SCHIP1: variants seen among roughly 807,000 people sequenced by gnomAD.
SCHIP1 encodes the protein schwannomin-interacting protein 1.
A neutral mutation model predicts 29.7 loss-of-function variants in SCHIP1; 8 were observed. The observed-to-expected ratio is 0.27, with a 90% confidence interval of 0.16 to 0.49. The LOEUF (loss-of-function observed/expected upper bound fraction) is 0.49. SCHIP1 is among the 20% of genes least tolerant of loss of function. The pLI is 0.99. For missense variants in SCHIP1, 193 were observed against 294.6 expected, an observed-to-expected ratio of 0.66 and a Z score of 2.52; for synonymous variants, 76 against 94.9, an observed-to-expected ratio of 0.80 and a Z score of 1.16.
the SCHIP1 span, among the ~76,000 whole-genome samples, chr3:159,574,093 CT>C: frequency 2.0e-5 from 3 of 152,198 alleles, no homozygotes; most frequent in African/African-American, 2.4e-5. Context: ...TACTAACAAC[CT>C]TCTGAAGCCT....
chr3:159,824,562 C>T, the SCHIP1 span, among the ~76,000 whole-genome samples: 1 of 152,192 alleles, frequency 6.6e-6, no homozygotes, highest in East Asian at 1.9e-4. Context: ...CTAGGTTCAG[C>T]AGGGCCAGAC....
chr3:159,301,602 G>T, the SCHIP1 span, among the ~76,000 whole-genome samples: 1 of 152,074 alleles, frequency 6.6e-6, no homozygotes, highest in Non-Finnish European at 1.5e-5. Flanking sequence ...TAGATTATGG[G>T]GATGGATTTC....
chr3:159,590,774 A>G, the SCHIP1 span, among the ~76,000 whole-genome samples: 1 of 152,160 alleles, frequency 6.6e-6, no homozygotes, highest in Non-Finnish European at 1.5e-5. Context: ...CTTCCAGTTT[A>G]CTTGTAAACA....
chr3:159,811,130 C>T, the SCHIP1 span, among the ~76,000 whole-genome samples: 4 of 152,106 alleles, frequency 2.6e-5, no homozygotes, highest in Admixed American at 6.5e-5. Flanking sequence ...TCAACTGTTG[C>T]CCATTTTTAA....
At chr3:159,474,305 T>C in the SCHIP1 span, among the ~76,000 whole-genome samples, 2 of 152,160 alleles carry the variant, frequency 1.3e-5, no homozygotes, top group Non-Finnish European at 2.9e-5. Context: ...TTAAGCAAAC[T>C]TCAAGATTTC....
chr3:159,526,328 C>G, the SCHIP1 span, among the ~76,000 whole-genome samples: 1 of 151,956 alleles, frequency 6.6e-6, no homozygotes, highest in African/African-American at 2.4e-5. Flanking sequence ...ACCACTGTGC[C>G]CGGCTAATTT....
chr3:159,879,078 C>T (rs1047365342), intron 2 of SCHIP1, among the ~76,000 whole-genome samples: 19 of 151,674 alleles, frequency 1.3e-4, no homozygotes, highest in Non-Finnish European at 2.5e-4. Flanking sequence ...TAATATTGGA[C>T]TAAGCTTACT....
the SCHIP1 span, among the ~76,000 whole-genome samples, chr3:159,550,058 C>CTTAATTATCTTAAGATATCTTAAGAAAA: frequency 3.4e-5 from 5 of 147,800 alleles, no homozygotes; most frequent in South Asian, 2.2e-4. Context: ...CTGTTTTTCT[C>CTTAATTATCTTAAGATATCTTAAGAAAA]TTATCTTAAG....
intron 2 of SCHIP1, among the ~76,000 whole-genome samples, chr3:159,877,068 G>T (rs62270405): frequency 0.26 from 39,708 of 152,154 alleles, 5,401 homozygotes; most frequent in Non-Finnish European, 0.3. Context: ...CCTATTTTAG[G>T]CTGGGAGCAG....
chr3:159,606,852 G>A, the SCHIP1 span, among the ~76,000 whole-genome samples: 5 of 152,210 alleles, frequency 3.3e-5, no homozygotes, highest in African/African-American at 1.2e-4. Flanking sequence ...AATCCAACTG[G>A]AAGCCAGGGG....
the SCHIP1 span, among the ~76,000 whole-genome samples, chr3:159,367,398 C>CAAAA: frequency 7.8e-6 from 1 of 128,110 alleles, no homozygotes; most frequent in South Asian, 2.6e-4. Context: ...AACTCCATCT[C>CAAAA]AAAAAAAAAA....
At chr3:159,644,555 G>A in the SCHIP1 span, among the ~76,000 whole-genome samples, 1 of 151,772 alleles carries the variant, frequency 6.6e-6, no homozygotes, top group Non-Finnish European at 1.5e-5. Flanking sequence ...TTTTACATTG[G>A]TGACCACAGA....
At chr3:159,313,721 AT>A in the SCHIP1 span, among the ~76,000 whole-genome samples, 53 of 149,758 alleles carry the variant, frequency 3.5e-4, no homozygotes, top group African/African-American at 1.2e-3. Flanking sequence ...TTTCCCACTA[AT>A]TTTTTTTTTC....
the SCHIP1 span, among the ~76,000 whole-genome samples, chr3:159,487,156 T>C: frequency 2.0e-5 from 3 of 152,270 alleles, no homozygotes; most frequent in African/African-American, 7.2e-5. Context: ...TGGAGCAATG[T>C]GGCTTTTCCT....
chr3:159,441,705 T>A, the SCHIP1 span, among the ~76,000 whole-genome samples: 1 of 152,076 alleles, frequency 6.6e-6, no homozygotes, highest in Non-Finnish European at 1.5e-5. Context: ...TGATAGGTGC[T>A]ACGTAGAACA....
chr3:159,533,570 A>T, the SCHIP1 span, among the ~76,000 whole-genome samples: 2 of 152,190 alleles, frequency 1.3e-5, no homozygotes, highest in Non-Finnish European at 2.9e-5. Context: ...TGGCAGAGAA[A>T]TAACTCATAA....
At chr3:159,858,947 C>T (rs901367514) in intron 1 of SCHIP1, among the ~76,000 whole-genome samples, 1 of 152,208 alleles carries the variant, frequency 6.6e-6, no homozygotes, top group African/African-American at 2.4e-5. Context: ...TATTTGGCAG[C>T]TCATCTTGAC....
the SCHIP1 span, among the ~76,000 whole-genome samples, chr3:159,800,092 A>G: frequency 6.6e-6 from 1 of 152,188 alleles, no homozygotes; most frequent in African/African-American, 2.4e-5. Flanking sequence ...ATTATGTGCC[A>G]TGCACTAACT....
At chr3:159,513,598 C>G in the SCHIP1 span, among the ~76,000 whole-genome samples, 1 of 152,180 alleles carries the variant, frequency 6.6e-6, no homozygotes, top group Non-Finnish European at 1.5e-5. Context: ...CACATGACTT[C>G]CTCCAGCCCG....
Sources: allele counts gnomAD v4.1 joint callset (sites outside exome capture counted in the v4.1 genomes callset), GRCh38; gene constraint gnomAD v4.1.1; transcripts MANE v1.5; gene names NCBI Gene and HGNC (gene_info 2026-07-23, HGNC 2026-07-21).